The following APOB variants were observed in gnomAD, a reference collection of about 807,000 sequenced individuals.
The protein encoded by APOB is apolipoprotein B.
A neutral mutation model predicts 314.1 loss-of-function variants in APOB; 153 were observed. The observed-to-expected ratio is 0.49, with a 90% CI of 0.43 to 0.56. APOB has a LOEUF of 0.56. APOB is among the 20% of genes least tolerant of loss of function. The pLI is 0.00. For synonymous variants in APOB, 2,087 were observed against 2,036.4 expected (o/e 1.02, Z -0.67); for missense variants, 5,430 against 5,350.7 (o/e 1.01, Z -0.46).
chr2:21,034,822 C>A lies in APOB; in HGVS notation c.898G>T (p.Gly300Cys). ...DTPKINSRFF[G>C]EGTKKMGLAF... ...TGTGGACAGAAACTCTTACCTTCAC[C>A]AAAGAAGCGGCTGTTGATCTTTGGT... Residue 300 changes from glycine to cysteine, a missense_variant, in exon 8 of 29, where the codon GGT becomes TGT. Coordinates refer to ENST00000233242, the MANE Select transcript of APOB (RefSeq NM_000384.3). 6.3e-7 allele frequency: 1 copy of A among 1,587,118 alleles called. No individual in the cohort carries two copies. The highest frequency in any genetic ancestry group is 8.7e-7 in the Non-Finnish European group (1 of 1,155,356).
intron 16 of APOB, 66 bp downstream of exon 16, chr2:21,024,867 T>A (rs754671721): frequency 6.5e-7 from 1 of 1,543,200 alleles, no homozygotes; most frequent in South Asian, 1.1e-5. Context: ...CGTAAGGGAG[T>A]CTGGGCGATC....
In APOB at chr2:21,009,603, A is replaced by G. The variant is rs1405006721; in HGVS notation, c.7265T>C (p.Met2422Thr). 1.9e-6 allele frequency: 3 copies of G among 1,613,874 alleles called. No individual in the cohort carries two copies. The highest frequency in any genetic ancestry group is 1.1e-5 in the South Asian group (1 of 91,068). Residue 2422 changes from methionine to threonine, a missense_variant, in exon 26 of 29, where the codon ATG becomes ACG. Around this residue, in one of 3 missense-constraint regions of APOB, gnomAD observed 3,281 missense variants for 3,171.0 expected, o/e 1.03. Transcript: ENST00000233242. ...AAATGACTTTAATTTCTTTATCAAC[A>G]TGTCAAGGAATTTGTTAACATCTTC... ...FIEDVNKFLDMLIKKLKSFDY... is the reference protein window; with the variant it reads ...FIEDVNKFLDTLIKKLKSFDY...
chr2:21,028,092 C>G, intron 13 of APOB, 27 bp from the exon 14 acceptor site: 5 of 1,473,982 alleles, frequency 3.4e-6, no homozygotes, highest in Non-Finnish European at 4.8e-6. Context: ...ATATTTTGAG[C>G]TGACACACCA....
chr2:21,026,805 C>G lies in APOB; in HGVS notation c.2227G>C (p.Asp743His). The G allele has an allele frequency of 6.2e-7, 1 of 1,613,994 alleles. No individual in the cohort carries two copies. The highest frequency in any genetic ancestry group is 8.5e-7 in the Non-Finnish European group (1 of 1,179,852). Reference protein sequence around the residue: ...VLVDHFGYTKDDKHEQDMVNG... With the variant: ...VLVDHFGYTKHDKHEQDMVNG... ...ATACACACCTGCTCATGTTTATCAT[C>G]TTTGGTATAGCCAAAGTGGTCCACT... The change falls in exon 15 of 29, where the codon GAT becomes CAT. Residue 743 changes from aspartate (D) to histidine (H), a missense_variant. Asp to His is a moderately conservative substitution (Grantham distance 81). Transcript: ENST00000233242.
Position 21,010,466 on chromosome 2 carries a change from T to C in APOB, c.6402A>G (p.Gln2134=). The change falls in exon 26 of 29, where the codon CAA becomes CAG. Residue 2134 remains glutamine (Q), a synonymous_variant. Coordinates refer to ENST00000233242, the MANE Select transcript of APOB (RefSeq NM_000384.3). ...DYLNSFNWER[Q]VSHAKEKLTA... is the part of the protein sequence containing the mutation. ...TCAGTTTCTCCTTGGCATGTGAAAC[T>C]TGTCTCTCCCAATTGAATGAATTCA... The C allele has an allele frequency of 1.2e-6, 2 of 1,610,892 alleles. No individual in the cohort carries two copies. The highest frequency in any genetic ancestry group is 1.7e-6 in the Non-Finnish European group (2 of 1,177,588).
intron 3 of APOB, among the ~76,000 whole-genome samples, chr2:21,041,893 T>C (rs528039500): frequency 6.6e-6 from 1 of 152,346 alleles, no homozygotes; most frequent in South Asian, 2.1e-4. Flanking sequence ...GTCTCAATAA[T>C]AAGCAAAGTT....
chr2:21,028,243 C>G, intron 13 of APOB, 84 bp downstream of exon 13: 1 of 1,282,234 alleles, frequency 7.8e-7, no homozygotes, highest in Middle Eastern at 1.9e-4. Context: ...GAAGCAAGGG[C>G]AGACAGTGGC....
rs762256463 is a variant in APOB at position 21,010,007 on chromosome 2, T to C, written c.6861A>G (p.Gln2287=). 5.6e-6 allele frequency: 9 copies of C among 1,613,772 alleles called. No homozygotes were observed. The highest frequency in any genetic ancestry group is 5.5e-5 in the South Asian group (5 of 91,072). Residue 2287 remains glutamine (Q), a synonymous_variant, in exon 26 of 29, where the codon CAA becomes CAG. Coordinates refer to ENST00000233242, the MANE Select transcript of APOB (RefSeq NM_000384.3). ...DIQHLAGKLK[Q]HIEAIDVRVL... ...CTCTAACATCAATAGCCTCAATGTG[T>C]TGTTTTAACTTTCCAGCTAGGTGCT...
In APOB at chr2:21,012,623, C is replaced by G. The variant is rs1167858569; in HGVS notation, c.4245G>C (p.Lys1415Asn). Residue 1415 changes from lysine to asparagine, a missense_variant, in exon 26 of 29, where the codon AAG becomes AAC. This residue lies in a region of APOB where 2,085 missense variants were observed against 2,079.7 expected (regional missense o/e 1.00). Transcript: ENST00000233242. ...CATCACATGATAGTGTGAACGTATT[C>G]TTGTGGTCATATGTTGTTTCTCCAG... Reference protein sequence around the residue: ...QGSGETTYDHKNTFTLSCDGS... With the variant: ...QGSGETTYDHNNTFTLSCDGS... 2 of 1,613,012 alleles carry G rather than the reference C, an allele frequency of 1.2e-6. No individual in the cohort carries two copies. Among genetic ancestry groups the G allele is most frequent in the Non-Finnish European group, 1.7e-6 (2 of 1,179,598 alleles).
rs546806987 is a variant in APOB at position 21,001,867 on chromosome 2, T to G, written c.13555A>C (p.Arg4519=). Residue 4519 remains arginine (R), a synonymous_variant, in exon 29 of 29, where the codon AGA becomes CGA. Coordinates refer to ENST00000233242, the MANE Select transcript of APOB (RefSeq NM_000384.3). ...YYEKFIAESK[R]LIDLSIQNYH... ...TTTTGAATGGACAGGTCAATCAATC[T>G]TTTGGATTCAGCAATAAATTTTTCA... 1 of 1,614,094 alleles carries G rather than the reference T, an allele frequency of 6.2e-7. No homozygotes were observed. Among genetic ancestry groups the G allele is most frequent in the South Asian group, 1.1e-5 (1 of 91,082 alleles).
intron 3 of APOB, among the ~76,000 whole-genome samples, 199 bp from the exon 4 acceptor site, chr2:21,041,282 T>C (rs1423635227): frequency 6.6e-6 from 1 of 152,248 alleles, no homozygotes; most frequent in Non-Finnish European, 1.5e-5. Flanking sequence ...GTCCTATTGC[T>C]GACGTTTTCC....
At chr2:21,016,800 T>A (rs182567637) in intron 20 of APOB, 151 bp from the exon 21 acceptor site, 18 of 671,004 alleles carry the variant, frequency 2.7e-5, no homozygotes, top group East Asian at 5.5e-5. Flanking sequence ...CTGGCTAACA[T>A]GGTGAAACCC....
At chr2:21,020,809 G>A (rs183758082) in intron 18 of APOB, among the ~76,000 whole-genome samples, 5 of 152,166 alleles carry the variant, frequency 3.3e-5, no homozygotes, top group African/African-American at 4.8e-5. Flanking sequence ...GCCAGCTTTC[G>A]CCTACCCATG....
chr2:21,011,428 G>A lies in APOB; in HGVS notation c.5440C>T (p.Leu1814=), dbSNP rs147543230. 15 of 1,613,972 alleles carry A rather than the reference G, an allele frequency of 9.3e-6. No individual in the cohort carries two copies. Among genetic ancestry groups the A allele is most frequent in the African/African-American group, 1.3e-5 (1 of 74,914 alleles). ...NALDLTNNGK[L]RLEPLKLHVA... is the part of the protein sequence containing the mutation. The stretch of plus-strand genomic sequence containing the variant: ...TGCAGCTTCAGGGGTTCTAGCCGTA[G>A]TTTCCCATTGTTGGTGAGATCCAGA... The change falls in exon 26 of 29, where the codon CTA becomes TTA. Residue 1814 remains leucine, a synonymous_variant. Coordinates refer to ENST00000233242, the MANE Select transcript of APOB (RefSeq NM_000384.3).
At position 21,034,826 on chromosome 2, in the gene APOB, G is replaced by A. The variant is rs763856667; in HGVS notation, c.894C>T (p.Phe298=). 1.9e-6 allele frequency: 3 copies of A among 1,589,822 alleles called. No homozygotes were observed. Among genetic ancestry groups the A allele is most frequent in the Non-Finnish European group, 2.6e-6 (3 of 1,157,810 alleles). Reference sequence around the variant, plus strand: ...GACAGAAACTCTTACCTTCACCAAAGAAGCGGCTGTTGATCTTTGGTGTGT... The same window carrying A: ...GACAGAAACTCTTACCTTCACCAAAAAAGCGGCTGTTGATCTTTGGTGTGT... The part of the protein sequence containing the change: ...LEDTPKINSR[F]FGEGTKKMGL... Residue 298 remains phenylalanine (F), a synonymous_variant, in exon 8 of 29, where the codon TTC becomes TTT. Transcript: ENST00000233242.
chr2:21,011,025 C>G lies in APOB; in HGVS notation c.5843G>C (p.Gly1948Ala). Reference protein sequence around the residue: ...LAFTFSHDYKGSTSHHLVSRK... With the variant: ...LAFTFSHDYKASTSHHLVSRK... Reference sequence around the variant, plus strand: ...AGACACGAGATGATGACTTGTGGAGCCTTTGTAATCATGAGAGAAAGTAAA... The same window carrying G: ...AGACACGAGATGATGACTTGTGGAGGCTTTGTAATCATGAGAGAAAGTAAA... The change falls in exon 26 of 29, where the codon GGC (glycine) becomes GCC (alanine). Residue 1948 changes from glycine (G) to alanine (A), a missense_variant. This residue lies in a region of APOB where 3,281 missense variants were observed against 3,171.0 expected (regional missense o/e 1.03). Transcript: ENST00000233242. The G allele has an allele frequency of 2.5e-6, 4 of 1,614,082 alleles. 1 individual carries two copies. The highest frequency in any genetic ancestry group is 1.3e-5 in the African/African-American group (1 of 74,996).
chr2:21,011,299 C>T lies in APOB; in HGVS notation c.5569G>A (p.Ala1857Thr), dbSNP rs1441769241. 6.2e-7 allele frequency: 1 copy of T among 1,614,190 alleles called. No homozygotes were observed. Among genetic ancestry groups the T allele is most frequent in the South Asian group, 1.1e-5 (1 of 91,074 alleles). ...LSASYKADTVAKVQGVEFSHR... is the reference protein window; with the variant it reads ...LSASYKADTVTKVQGVEFSHR... ...CTAAACTCCACACCCTGAACCTTAG[C>T]AACAGTGTCTGCTTTATAGCTTGCT... Residue 1857 changes from alanine to threonine, a missense_variant, in exon 26 of 29, where the codon GCT becomes ACT. Coordinates refer to ENST00000233242, the MANE Select transcript of APOB (RefSeq NM_000384.3).
chr2:21,004,486 A>G (rs1195999652), intron 27 of APOB, 34 bp from the exon 28 acceptor site: 3 of 1,613,644 alleles, frequency 1.9e-6, no homozygotes, highest in Middle Eastern at 1.7e-4. Flanking sequence ...CTATCACGAA[A>G]GGGGTATGGA....
At chr2:21,005,010 C>T in intron 26 of APOB, 70 bp downstream of exon 26, 2 of 1,569,008 alleles carry the variant, frequency 1.3e-6, no homozygotes, top group Non-Finnish European at 8.7e-7. Flanking sequence ...CAACTAAATA[C>T]ATAATTATTT....
Sources: gnomAD v4.1 joint callset for allele counts (sites outside exome capture counted in the v4.1 genomes callset) on GRCh38, gnomAD v4.1.1 for gene constraint, gnomAD v4.1.1 regional missense constraint, MANE v1.5 for transcripts, NCBI Gene and HGNC (gene_info 2026-07-23, HGNC 2026-07-21) for gene names.